The following ACTR3B variants were observed in gnomAD, a reference collection of about 807,000 sequenced individuals.
ACTR3B encodes the protein actin related protein 3B.
ACTR3B carries 8 observed loss-of-function variants against 59.0 expected under a neutral mutation model. That is an observed-to-expected ratio of 0.14 (90% CI 0.08 to 0.24). ACTR3B has a LOEUF of 0.24. Among genes scored for constraint, ACTR3B ranks in the 10% least tolerant of loss-of-function variants. ACTR3B has a pLI of 1.00. For missense variants in ACTR3B, 245 were observed against 552.3 expected (o/e 0.44, Z 5.58); for synonymous variants, 148 against 197.9 (o/e 0.75, Z 2.12).
At chr7:152,799,769 T>C in intron 2 of ACTR3B, among the ~76,000 whole-genome samples, 1 of 152,202 alleles carries the variant, frequency 6.6e-6, no homozygotes. Context: ...AAATAGCTCA[T>C]GGGAGAGCTC....
At chr7:152,806,149 G>A (rs749929732) in intron 4 of ACTR3B, among the ~76,000 whole-genome samples, 1 of 152,180 alleles carries the variant, frequency 6.6e-6, no homozygotes, top group Admixed American at 6.5e-5. Context: ...AAAACTGGAC[G>A]TCTCCAATTT....
intron 1 of ACTR3B, among the ~76,000 whole-genome samples, chr7:152,781,937 G>A (rs1054583544): frequency 3.3e-5 from 5 of 151,872 alleles, no homozygotes; most frequent in African/African-American, 9.7e-5. Context: ...GGCCTGAGGA[G>A]TCTCAGGACT....
intron 1 of ACTR3B, among the ~76,000 whole-genome samples, chr7:152,766,110 G>A (rs181790351): frequency 6.6e-6 from 1 of 152,262 alleles, no homozygotes; most frequent in Non-Finnish European, 1.5e-5. Context: ...ACCACTCCCA[G>A]TTCCAGTGAC....
intron 2 of ACTR3B, among the ~76,000 whole-genome samples, chr7:152,790,070 G>A (rs1370761254): frequency 7.6e-6 from 1 of 131,900 alleles, no homozygotes; most frequent in Non-Finnish European, 1.5e-5. Flanking sequence ...ATGACTCACT[G>A]CAGCCTTGAC....
intron 1 of ACTR3B, among the ~76,000 whole-genome samples, chr7:152,781,819 G>A (rs2098154951): frequency 1.3e-5 from 2 of 152,234 alleles, no homozygotes; most frequent in South Asian, 4.1e-4. Context: ...GTGGAACCCC[G>A]GAGTGGAGTT....
intron 2 of ACTR3B, among the ~76,000 whole-genome samples, chr7:152,791,208 A>C (rs997161470): frequency 6.6e-6 from 1 of 151,782 alleles, no homozygotes; most frequent in Non-Finnish European, 1.5e-5. Context: ...ACAGGGTTTC[A>C]TTGTGTTGCC....
At chr7:152,782,366 G>A (rs936293526) in intron 1 of ACTR3B, among the ~76,000 whole-genome samples, 2 of 151,710 alleles carry the variant, frequency 1.3e-5, no homozygotes, top group Non-Finnish European at 2.9e-5. Context: ...TACTTACCGC[G>A]TTTCAACTTT....
At chr7:152,784,915 GCGTAGTGAA>G (rs1181225087) in intron 2 of ACTR3B, among the ~76,000 whole-genome samples, 2 of 152,050 alleles carry the variant, frequency 1.3e-5, no homozygotes, top group Non-Finnish European at 2.9e-5. Flanking sequence ...TAGGGCTTCT[GCGTAGTGAA>G]TTCTGTGGGG....
chr7:152,822,562 C>T (rs1376547111), intron 7 of ACTR3B, among the ~76,000 whole-genome samples: 4 of 152,222 alleles, frequency 2.6e-5, no homozygotes, highest in African/African-American at 9.7e-5. Context: ...TCTGCTTTTC[C>T]TTTCTTCCCC....
intron 9 of ACTR3B, among the ~76,000 whole-genome samples, chr7:152,828,736 C>T (rs189345736): frequency 3.3e-5 from 5 of 152,200 alleles, no homozygotes; most frequent in African/African-American, 7.2e-5. Context: ...CCGGGTAAGA[C>T]GCTCACTCTC....
chr7:152,814,976 C>T (rs536184949), intron 5 of ACTR3B, among the ~76,000 whole-genome samples: 4,030 of 151,662 alleles, frequency 0.027, 84 homozygotes, highest in African/African-American at 0.06. Flanking sequence ...AAATAATTAC[C>T]TTTAGAGGTT....
chr7:152,800,713 A>G (rs1339087657), intron 3 of ACTR3B, 58 bp downstream of exon 3: 4 of 1,563,260 alleles, frequency 2.6e-6, no homozygotes, highest in African/African-American at 2.7e-5. Flanking sequence ...TGAGTAATGC[A>G]AAATGGTCAT....
At chr7:152,798,269 C>T (rs1290885119) in intron 2 of ACTR3B, among the ~76,000 whole-genome samples, 1 of 152,142 alleles carries the variant, frequency 6.6e-6, no homozygotes, top group Non-Finnish European at 1.5e-5. Context: ...GTTTGATTTG[C>T]ATTTCCCCAA....
At chr7:152,825,720 G>A (rs948066002) in intron 9 of ACTR3B, among the ~76,000 whole-genome samples, 19 of 152,228 alleles carry the variant, frequency 1.2e-4, no homozygotes, top group Middle Eastern at 3.4e-3. Flanking sequence ...AAGTAAGAGC[G>A]GTGCCCTCCC....
At chr7:152,787,197 G>C (rs1008039050) in intron 2 of ACTR3B, among the ~76,000 whole-genome samples, 3 of 152,122 alleles carry the variant, frequency 2.0e-5, no homozygotes, top group African/African-American at 7.2e-5. Flanking sequence ...TTGGTATTGT[G>C]TGACTTACAT....
intron 1 of ACTR3B, among the ~76,000 whole-genome samples, chr7:152,781,378 C>A (rs1243533909): frequency 6.6e-6 from 1 of 151,898 alleles, no homozygotes; most frequent in South Asian, 2.1e-4. Context: ...ACAATGATTA[C>A]CTTTTTTACA....
At chr7:152,789,050 CAAA>C (rs753271534) in intron 2 of ACTR3B, among the ~76,000 whole-genome samples, 1 of 78,190 alleles carries the variant, frequency 1.3e-5, no homozygotes, top group Non-Finnish European at 2.7e-5. Flanking sequence ...ACAACAACAA[CAAA>C]CAGCAACAAC....
intron 1 of ACTR3B, among the ~76,000 whole-genome samples, chr7:152,770,972 T>C (rs1207730707): frequency 6.6e-6 from 1 of 150,796 alleles, no homozygotes. Context: ...TTATTTTTTT[T>C]TCATTTTTTG....
intron 4 of ACTR3B, among the ~76,000 whole-genome samples, 170 bp downstream of exon 4, chr7:152,801,901 G>GC (rs2098237863): frequency 7.6e-6 from 1 of 131,214 alleles, no homozygotes; most frequent in Non-Finnish European, 1.7e-5. Context: ...GAACAAAAAG[G>GC]GCTTGTTAGC....
Sources: gnomAD v4.1 joint callset for allele counts (sites outside exome capture counted in the v4.1 genomes callset) on GRCh38, gnomAD v4.1.1 for gene constraint, MANE v1.5 for transcripts, NCBI Gene and HGNC (gene_info 2026-07-23, HGNC 2026-07-21) for gene names.